The following SLC29A4 variants were observed in gnomAD, a reference collection of about 807,000 sequenced individuals.
SLC29A4 encodes the protein solute carrier family 29 member 4.
In SLC29A4, 36 loss-of-function variants were observed where a neutral mutation model predicts 43.9. The observed-to-expected ratio is 0.82, with a 90% CI of 0.63 to 1.08. The LOEUF is 1.08. SLC29A4 is among the 50% of genes least tolerant of loss of function. The pLI, the probability that SLC29A4 is intolerant of heterozygous loss-of-function variation, is 0.00. For missense variants in SLC29A4, 869 were observed against 755.3 expected (o/e 1.15, Z -1.77); for synonymous variants, 491 against 338.0 (o/e 1.45, Z -4.97).
rs553504634 is a variant in SLC29A4 at position 5,303,350 on chromosome 7, G to A, written c.*411G>A. ...CCCTCATCACCCACCGGCACTGATC[G>A]GGGCACCGCCTGGCCCAGCCTCCAC... On this transcript the variant is annotated 3_prime_UTR_variant, in exon 11 of 11. Coordinates refer to ENST00000396872, the MANE Select transcript of SLC29A4 (RefSeq NM_153247.4). 1.6e-4 allele frequency: 38 copies of A among 237,154 alleles called. No individual in the cohort carries two copies. The highest frequency in any genetic ancestry group is 5.8e-4 in the African/African-American group (25 of 42,908). 14.7% of individuals were successfully genotyped at this position (237,154 alleles called of 1,614,324 possible).
chr7:5,300,664 T>C lies in SLC29A4; in HGVS notation c.1450+2T>C, dbSNP rs1583681925. ...GCCCCAAGCAGCGGGAGCTGGCAGG[T>C]GAGGCCCGCGGGACGTGGGGGTGGG... On this transcript the variant is annotated splice_donor_variant, in intron 10 of 10. Coordinates refer to ENST00000396872, the MANE Select transcript of SLC29A4 (RefSeq NM_153247.4). LOFTEE classifies it high-confidence loss of function. The C allele has an allele frequency of 6.2e-7, 1 of 1,606,188 alleles. No individual in the cohort carries two copies. Among genetic ancestry groups the C allele is most frequent in the Non-Finnish European group, 8.5e-7 (1 of 1,178,510 alleles).
chr7:5,290,639 G>A (rs1281629313), intron 2 of SLC29A4, 93 bp from the exon 3 acceptor site: 12 of 1,503,916 alleles, frequency 8.0e-6, no homozygotes, highest in African/African-American at 1.4e-5. Flanking sequence ...AGTGGCTATG[G>A]TGATGGCGGC....
At chr7:5,298,005 C>A (rs73673106) in intron 7 of SLC29A4, among the ~76,000 whole-genome samples, 1 of 152,144 alleles carries the variant, frequency 6.6e-6, no homozygotes, top group Non-Finnish European at 1.5e-5. Context: ...GGCTCAGGGC[C>A]GGCAGCTGTA....
intron 5 of SLC29A4, among the ~76,000 whole-genome samples, chr7:5,292,690 CTTTTTTTTTTTTT>C (rs1056329272): frequency 1.8e-4 from 12 of 67,410 alleles, no homozygotes; most frequent in Admixed American, 4.4e-4. Context: ...CATTTTTTTC[CTTTTTTTTTTTTT>C]TTTTTTTTTT....
In SLC29A4 at chr7:5,300,579, T is replaced by C. The variant is rs775647994; in HGVS notation, c.1367T>C (p.Met456Thr). 1.9e-6 allele frequency: 3 copies of C among 1,612,116 alleles called. No individual in the cohort carries two copies. The highest frequency in any genetic ancestry group is 1.7e-5 in the Admixed American group (1 of 59,974). Residue 456 changes from methionine to threonine, a missense_variant, in exon 10 of 11, where the codon ATG becomes ACG. Physicochemically the swap from Met to Thr is moderately conservative, Grantham distance 81 (BLOSUM62 -1). Transcript: ENST00000396872. ...PAWPCIFSLL[M>T]GISNGYFGSV... ...TGGCCCTGCATCTTCTCACTGCTCA[T>C]GGGCATCAGCAACGGCTACTTCGGC...
At chr7:5,296,756 GGGGCCTGTGGGTGGGGGCA>G (rs1477822020) in intron 6 of SLC29A4, among the ~76,000 whole-genome samples, 161 bp from the exon 7 acceptor site, 3,661 of 138,074 alleles carry the variant, frequency 0.027, 237 homozygotes, top group African/African-American at 0.096. Flanking sequence ...GGTGATGGGC[GGGGCCTGTGGGTGGGGGCA>G]GGGCCTGTGG....
intron 9 of SLC29A4, among the ~76,000 whole-genome samples, chr7:5,299,666 C>G (rs889083500): frequency 6.6e-6 from 1 of 152,212 alleles, no homozygotes. Flanking sequence ...GTGGCCCTCA[C>G]CCTCTCGCCT....
intron 2 of SLC29A4, among the ~76,000 whole-genome samples, chr7:5,290,466 G>C (rs1785234744): frequency 6.6e-6 from 1 of 152,224 alleles, no homozygotes; most frequent in Non-Finnish European, 1.5e-5. Flanking sequence ...CAGAGTGCTG[G>C]GATTACAGAC....
In SLC29A4 at chr7:5,302,810, C is replaced by A. The variant is rs756862104; in HGVS notation, c.1464C>A (p.Thr488=). 3 of 1,561,654 alleles carry A rather than the reference C, an allele frequency of 1.9e-6. No homozygotes were observed. Among genetic ancestry groups the A allele is most frequent in the Non-Finnish European group, 2.6e-6 (3 of 1,153,130 alleles). Residue 488 remains threonine, a synonymous_variant, in exon 11 of 11, where the codon ACC becomes ACA. Transcript: ENST00000396872. ...KQRELAGNTM[T]VSYMSGLTLG... ...TGTTGTCCACAGGGAACACCATGAC[C>A]GTGTCCTACATGTCAGGGCTGACGC...
At chr7:5,287,650 T>TA (rs1785042668) in intron 1 of SLC29A4, among the ~76,000 whole-genome samples, 159 bp from the exon 2 acceptor site, 1 of 152,196 alleles carries the variant, frequency 6.6e-6, no homozygotes, top group African/African-American at 2.4e-5. Context: ...TTCAGGCACT[T>TA]TCCTGGCTCC....
At position 5,291,116 on chromosome 7, in the gene SLC29A4, C is replaced by G; in HGVS notation, c.302-8C>G. The stretch of plus-strand genomic sequence containing the variant: ...CCCTGAGCACCTGCTGTCTCTGGCC[C>G]TCTGCAGGGACCTCCATCGTGTTTG... On this transcript the variant is annotated splice_region_variant and splice_polypyrimidine_tract_variant and intron_variant, in intron 3 of 10. Coordinates refer to ENST00000396872, the MANE Select transcript of SLC29A4 (RefSeq NM_153247.4). The G allele has an allele frequency of 6.2e-7, 1 of 1,613,470 alleles. No homozygotes were observed. The highest frequency in any genetic ancestry group is 1.3e-5 in the African/African-American group (1 of 75,044).
At chr7:5,286,758 G>A (rs878876223) in intron 1 of SLC29A4, among the ~76,000 whole-genome samples, 2 of 152,128 alleles carry the variant, frequency 1.3e-5, no homozygotes, top group African/African-American at 2.4e-5. Context: ...AAGGGCCATC[G>A]TGGCTCAAAG....
chr7:5,303,041 GC>G lies in SLC29A4; in HGVS notation c.*104del. 5.8e-6 allele frequency: 8 copies of G among 1,370,618 alleles called. No homozygotes were observed. Among genetic ancestry groups the G allele is most frequent in the Non-Finnish European group, 7.9e-6 (8 of 1,015,124 alleles). The allele number at this position is 1,370,618 out of a possible 1,614,324, so 84.9% of individuals were successfully genotyped here. A position where few individuals can be genotyped will look rare whatever the true frequency, so the allele number is the denominator to read the frequency against. On this transcript the variant is annotated 3_prime_UTR_variant, in exon 11 of 11. Coordinates refer to ENST00000396872, the MANE Select transcript of SLC29A4 (RefSeq NM_153247.4). ...CACCTCAGTGCCTGCGGGGCCCTGA[GC>G]CTCCCCCTGTGCCAGCAGCCCCACT...
At position 5,283,020 on chromosome 7, in the gene SLC29A4, G is replaced by A. The variant is rs1784738833; in HGVS notation, c.-71G>A. On this transcript the variant is annotated 5_prime_UTR_variant, in exon 1 of 11. Transcript: ENST00000396872. ...GGAGGACGCCGGGCGCGCCCGGCCC[G>A]AGGCTGGGGGAGCGGGGCGGCGTGG... 2.1e-5 allele frequency: 3 copies of A among 140,500 alleles called. No homozygotes were observed. 8.7% of individuals were successfully genotyped at this position (140,500 alleles called of 1,614,324 possible).
intron 5 of SLC29A4, among the ~76,000 whole-genome samples, 168 bp downstream of exon 5, chr7:5,291,989 G>C (rs6954178): frequency 0.7 from 106,466 of 151,952 alleles, 37,953 homozygotes; most frequent in East Asian, 0.92. Flanking sequence ...CACACCCACA[G>C]GAGCCTGTGT....
chr7:5,299,729 T>C (rs114699407), intron 9 of SLC29A4, among the ~76,000 whole-genome samples: 4,267 of 152,238 alleles, frequency 0.028, 231 homozygotes, highest in African/African-American at 0.097. Context: ...CAGAGGGGAC[T>C]CAGAGAAGGC....
At chr7:5,288,274 C>G (rs1157025016) in intron 2 of SLC29A4, among the ~76,000 whole-genome samples, 2 of 148,286 alleles carry the variant, frequency 1.3e-5, no homozygotes, top group African/African-American at 5.0e-5. Flanking sequence ...GGGACCATGG[C>G]TCATGCGCTG....
At chr7:5,297,366 C>T (rs1319361118) in intron 7 of SLC29A4, among the ~76,000 whole-genome samples, 168 bp downstream of exon 7, 6 of 152,234 alleles carry the variant, frequency 3.9e-5, no homozygotes, top group Non-Finnish European at 7.3e-5. Context: ...TGTACTCTTA[C>T]TGATGTGGCT....
Position 5,283,048 on chromosome 7 carries a change from G to A in SLC29A4, c.-43G>A, listed in dbSNP as rs889822784. 2 of 146,794 alleles carry A rather than the reference G, an allele frequency of 1.4e-5. No individual in the cohort carries two copies. Among genetic ancestry groups the A allele is most frequent in the Non-Finnish European group, 3.0e-5 (2 of 65,778 alleles). 9.1% of individuals were successfully genotyped at this position (146,794 alleles called of 1,614,324 possible). A position where few individuals can be genotyped will look rare whatever the true frequency, so the allele number is the denominator to read the frequency against. On this transcript the variant is annotated 5_prime_UTR_variant, in exon 1 of 11. Coordinates refer to ENST00000396872, the MANE Select transcript of SLC29A4 (RefSeq NM_153247.4). ...GCTGGGGGAGCGGGGCGGCGTGGCG[G>A]GCGCGCCGAGGACCCCAGGCCGGGC...
Sources: allele counts gnomAD v4.1 joint callset (sites outside exome capture counted in the v4.1 genomes callset), GRCh38; gene constraint gnomAD v4.1.1; transcripts MANE v1.5; gene names NCBI Gene and HGNC (gene_info 2026-07-23, HGNC 2026-07-21).